Variants in SPATS2L observed in about 807,000 individuals in gnomAD.
The protein encoded by SPATS2L is spermatogenesis associated serine rich 2 like.
A neutral mutation model predicts 59.6 loss-of-function variants in SPATS2L; 30 were observed. The ratio of observed to expected loss-of-function variants is 0.50; its 90% CI spans 0.38 to 0.68. The LOEUF is 0.68. Ranked by LOEUF, SPATS2L falls within the 30% of genes least tolerant of loss-of-function variation. SPATS2L has a pLI of 0.00. For missense variants in SPATS2L, 615 were observed against 700.0 expected (o/e 0.88, Z 1.37); for synonymous variants, 252 against 263.5 (o/e 0.96, Z 0.42).
At chr2:200,472,714 T>C in intron 11 of SPATS2L, 118 bp from the exon 12 acceptor site, 1 of 858,358 alleles carries the variant, frequency 1.2e-6, no homozygotes, top group Non-Finnish European at 1.8e-6. Context: ...AAGAAAACTT[T>C]TTAATGTTTT....
chr2:200,326,682 A>G (rs185681596), intron 1 of SPATS2L, among the ~76,000 whole-genome samples: 18 of 152,252 alleles, frequency 1.2e-4, no homozygotes, highest in Non-Finnish European at 1.9e-4. Flanking sequence ...TAAAGACAGT[A>G]TATCTGCTAC....
At chr2:200,437,837 G>A (rs1035224328) in intron 6 of SPATS2L, among the ~76,000 whole-genome samples, 1 of 152,046 alleles carries the variant, frequency 6.6e-6, no homozygotes, top group African/African-American at 2.4e-5. Context: ...ATATTCCTTT[G>A]TATTTTTTCA....
At chr2:200,320,235 T>C (rs295148) in intron 1 of SPATS2L, among the ~76,000 whole-genome samples, 148,027 of 152,208 alleles carry the variant, frequency 0.97, 72,112 homozygotes, top group Middle Eastern at 1. Context: ...ACAGTAGAAC[T>C]CTATGATAAA....
intron 7 of SPATS2L, among the ~76,000 whole-genome samples, chr2:200,440,197 T>C (rs2084599715): frequency 6.6e-6 from 1 of 152,226 alleles, no homozygotes; most frequent in African/African-American, 2.4e-5. Flanking sequence ...AGTGCCAGCG[T>C]ACCTGGCATT....
intron 2 of SPATS2L, among the ~76,000 whole-genome samples, chr2:200,381,391 A>G (rs909806813): frequency 1.3e-5 from 2 of 152,154 alleles, no homozygotes; most frequent in Non-Finnish European, 2.9e-5. Flanking sequence ...ATTTCCTCCA[A>G]CCTGGAGATC....
chr2:200,307,251 G>T (rs377072459), intron 1 of SPATS2L, among the ~76,000 whole-genome samples: 6 of 151,626 alleles, frequency 4.0e-5, no homozygotes, highest in Non-Finnish European at 8.8e-5. Context: ...CGCCCGCCCC[G>T]GATCTGAATC....
At chr2:200,460,987 G>T (rs2086201156) in intron 9 of SPATS2L, 1 of 151,812 alleles carries the variant, frequency 6.6e-6, no homozygotes, top group South Asian at 2.1e-4. Flanking sequence ...TAATTTTTTG[G>T]GTTTTTAGTA....
intron 3 of SPATS2L, among the ~76,000 whole-genome samples, chr2:200,393,649 C>G (rs765538890): frequency 6.6e-6 from 1 of 152,056 alleles, no homozygotes; most frequent in Non-Finnish European, 1.5e-5. Context: ...AAATTCTGAA[C>G]GTTTATAATT....
At chr2:200,310,305 T>C (rs1476955129) in intron 1 of SPATS2L, among the ~76,000 whole-genome samples, 2 of 152,252 alleles carry the variant, frequency 1.3e-5, no homozygotes, top group African/African-American at 4.8e-5. Context: ...GTAGGAACCA[T>C]TGCTGACTCT....
chr2:200,412,542 T>C (rs1263780852), intron 4 of SPATS2L, 123 bp downstream of exon 4: 3 of 492,914 alleles, frequency 6.1e-6, no homozygotes, highest in African/African-American at 2.0e-5. Flanking sequence ...CATAGAAATG[T>C]GCGAGGTTTC....
intron 3 of SPATS2L, among the ~76,000 whole-genome samples, chr2:200,391,037 G>A (rs538979094): frequency 1.5e-4 from 23 of 152,046 alleles, no homozygotes; most frequent in Non-Finnish European, 2.9e-4. Flanking sequence ...CCAGACACAC[G>A]TAATCCCAGC....
intron 2 of SPATS2L, among the ~76,000 whole-genome samples, chr2:200,358,391 C>T (rs2080985771): frequency 6.6e-6 from 1 of 152,146 alleles, no homozygotes; most frequent in Non-Finnish European, 1.5e-5. Flanking sequence ...TATTCCATGT[C>T]TTTTAGTATT....
At chr2:200,435,788 TC>T (rs1301303052) in intron 6 of SPATS2L, among the ~76,000 whole-genome samples, 2 of 152,160 alleles carry the variant, frequency 1.3e-5, no homozygotes, top group Non-Finnish European at 2.9e-5. Flanking sequence ...ATTAGTGTTA[TC>T]CAACAGAAAT....
chr2:200,328,315 G>T (rs1390538567), intron 1 of SPATS2L, among the ~76,000 whole-genome samples: 1 of 152,182 alleles, frequency 6.6e-6, no homozygotes, highest in African/African-American at 2.4e-5. Context: ...TATATCTTTG[G>T]CATTATTCAT....
At chr2:200,396,592 A>G (rs1180294231) in intron 3 of SPATS2L, among the ~76,000 whole-genome samples, 6 of 152,182 alleles carry the variant, frequency 3.9e-5, no homozygotes, top group Non-Finnish European at 7.3e-5. Context: ...GGGGTGGAGT[A>G]TGGTCAGAAA....
intron 8 of SPATS2L, among the ~76,000 whole-genome samples, chr2:200,449,729 T>C (rs1280166419): frequency 3.9e-5 from 6 of 152,232 alleles, no homozygotes; most frequent in Admixed American, 2.0e-4. Context: ...AAGATGAATT[T>C]GTTCTTATAT....
At position 200,477,624 on chromosome 2, in the gene SPATS2L, CT is replaced by C. The variant is rs772352233; in HGVS notation, c.1282-6del. The C allele has an allele frequency of 2.9e-5, 42 of 1,453,240 alleles. No individual in the cohort carries two copies. The highest frequency in any genetic ancestry group is 5.9e-5 in the East Asian group (2 of 34,102). 90.0% of individuals were successfully genotyped at this position (1,453,240 alleles called of 1,614,324 possible). A position where few individuals can be genotyped will look rare whatever the true frequency, so the allele number is the denominator to read the frequency against. ...CTGGCATCTGATACTTATCTCTTTTCTTTTTTGGTAGAATGGATCTTCTAAC... is the reference window on the plus strand; with the variant it reads ...CTGGCATCTGATACTTATCTCTTTTCTTTTTGGTAGAATGGATCTTCTAAC... On this transcript the variant is annotated splice_polypyrimidine_tract_variant and intron_variant, in intron 12 of 12. Transcript: ENST00000409140.
intron 1 of SPATS2L, among the ~76,000 whole-genome samples, chr2:200,324,241 G>A (rs575369569): frequency 1.3e-5 from 2 of 152,156 alleles, no homozygotes; most frequent in African/African-American, 2.4e-5. Context: ...CCTTGAAGGT[G>A]TTTCAGGCAA....
chr2:200,367,042 C>G (rs992178838), intron 2 of SPATS2L, among the ~76,000 whole-genome samples: 9 of 152,154 alleles, frequency 5.9e-5, no homozygotes, highest in Non-Finnish European at 1.5e-5. Context: ...TCAGAAATTA[C>G]TTCTTAACCT....
Sources: allele counts gnomAD v4.1 joint callset (sites outside exome capture counted in the v4.1 genomes callset), GRCh38; gene constraint gnomAD v4.1.1; transcripts MANE v1.5; gene names NCBI Gene and HGNC (gene_info 2026-07-23, HGNC 2026-07-21).